The following SEC63 variants were observed in gnomAD, a reference collection of about 807,000 sequenced individuals.
The protein encoded by SEC63 is translocation protein SEC63 homolog.
SEC63 carries 56 observed loss-of-function variants against 116.2 expected under a neutral mutation model. The observed-to-expected ratio is 0.48, with a 90% CI of 0.39 to 0.60. The LOEUF (loss-of-function observed/expected upper bound fraction) is 0.60. SEC63 is among the 20% of genes least tolerant of loss of function. The probability of loss-of-function intolerance (pLI) is 0.00; values close to 1 mark genes in which losing one functional copy is unlikely to be tolerated. For missense variants in SEC63, 668 were observed against 900.0 expected (o/e 0.74, Z 3.30); for synonymous variants, 273 against 294.6 (o/e 0.93, Z 0.75).
chr6:107,880,241 A>T (rs1344801374), intron 18 of SEC63, among the ~76,000 whole-genome samples: 1 of 152,220 alleles, frequency 6.6e-6, no homozygotes, highest in African/African-American at 2.4e-5. Context: ...ATTATTTACG[A>T]ATTTGCCTTA....
intron 17 of SEC63, 138 bp from the exon 18 acceptor site, chr6:107,881,388 C>A (rs1786411976): frequency 3.1e-6 from 2 of 650,798 alleles, no homozygotes; most frequent in Admixed American, 2.4e-5. Context: ...CTGATCATCT[C>A]CCTGCTCATC....
At position 107,869,550 on chromosome 6, in the gene SEC63, T is replaced by C. The variant is rs1225009069; in HGVS notation, c.*2154A>G. On this transcript the variant is annotated 3_prime_UTR_variant, in exon 21 of 21. Transcript: ENST00000369002. ...TTAAATGCAAACTAGGATAGTTTGT[T>C]ATTCTCATTCCAGAGGAAAAACGAA... 1 of 152,188 alleles carries C rather than the reference T, an allele frequency of 6.6e-6. No homozygotes were observed. Among genetic ancestry groups the C allele is most frequent in the Non-Finnish European group, 1.5e-5 (1 of 68,026 alleles). 9.4% of individuals were successfully genotyped at this position (152,188 alleles called of 1,614,324 possible). A position where few individuals can be genotyped will look rare whatever the true frequency, so the allele number is the denominator to read the frequency against.
Position 107,929,501 on chromosome 6 carries a change from T to G in SEC63, c.138A>C (p.Leu46Phe). ...TTCCATATACTTTTCTGATATTCTT[T>G]AATCGAATTTGCTCTGTCAAGAAAG... The part of the protein sequence containing the change: ...PRDQNAEQIR[L>F]KNIRKVYGRC... The change falls in exon 2 of 21, where the codon TTA becomes TTC. Residue 46 changes from leucine to phenylalanine, a missense_variant. Around this residue, in one of 5 missense-constraint regions of SEC63, gnomAD observed 142 missense variants for 169.5 expected, o/e 0.84. Coordinates refer to ENST00000369002, the MANE Select transcript of SEC63 (RefSeq NM_007214.5). 1 of 1,591,350 alleles carries G rather than the reference T, an allele frequency of 6.3e-7. No homozygotes were observed.
chr6:107,927,987 G>C (rs746295938), intron 2 of SEC63, among the ~76,000 whole-genome samples: 1 of 152,124 alleles, frequency 6.6e-6, no homozygotes, highest in Non-Finnish European at 1.5e-5. Flanking sequence ...CTTCCCACTT[G>C]GAACCCGCAG....
intron 1 of SEC63, 126 bp downstream of exon 1, chr6:107,957,760 G>T (rs1263978830): frequency 9.4e-7 from 1 of 1,066,164 alleles, no homozygotes; most frequent in Non-Finnish European, 1.2e-6. Context: ...GCTGGACACA[G>T]GCCGGGCCGC....
chr6:107,933,733 C>G (rs1787862900), intron 1 of SEC63, among the ~76,000 whole-genome samples: 1 of 151,794 alleles, frequency 6.6e-6, no homozygotes, highest in South Asian at 2.1e-4. Flanking sequence ...CCACGGTCTC[C>G]CTCTCCCTCT....
At chr6:107,936,159 G>A (rs925035066) in intron 1 of SEC63, among the ~76,000 whole-genome samples, 13 of 152,332 alleles carry the variant, frequency 8.5e-5, no homozygotes, top group Middle Eastern at 3.4e-3. Flanking sequence ...CCAAGAGAAA[G>A]TACATATGGT....
At position 107,890,212 on chromosome 6, in the gene SEC63, T is replaced by G. The variant is rs567116376; in HGVS notation, c.1674+3270A>C. Among the ~76,000 whole-genome samples the G allele has an allele frequency of 9.2e-5, 14 of 152,334 alleles. 1 individual carries two copies. In the East Asian group the frequency reaches 2.5e-3, roughly 27 times the overall value. ...TATTGTGTGGGAGTCTAAGCCTCTT[T>G]GTAGATCTCTAAGAACTTGCTTTAT... On this transcript the variant is annotated intron_variant, in intron 16 of 20. Transcript: ENST00000369002.
chr6:107,946,842 A>G (rs1448832925), intron 1 of SEC63, among the ~76,000 whole-genome samples: 1 of 152,084 alleles, frequency 6.6e-6, no homozygotes, highest in Non-Finnish European at 1.5e-5. Context: ...CGTCTCTACT[A>G]AAAATACAAA....
chr6:107,911,573 T>C (rs1039154338), intron 6 of SEC63, among the ~76,000 whole-genome samples, 177 bp from the exon 7 acceptor site: 2 of 152,222 alleles, frequency 1.3e-5, no homozygotes, highest in African/African-American at 4.8e-5. Flanking sequence ...ACCCTCCTTT[T>C]GTAGGTAGAA....
Position 107,883,017 on chromosome 6 carries a change from C to G in SEC63, c.1804G>C (p.Asp602His). The G allele has an allele frequency of 6.2e-7, 1 of 1,611,168 alleles. No homozygotes were observed. The highest frequency in any genetic ancestry group is 1.3e-5 in the African/African-American group (1 of 74,992). The change falls in exon 17 of 21, where the codon GAT becomes CAT. Residue 602 changes from aspartate (D) to histidine (H), a missense_variant. Physicochemically the swap from Asp to His is moderately conservative, Grantham distance 81. Around this residue, in one of 5 missense-constraint regions of SEC63, gnomAD observed 430 missense variants for 557.5 expected, o/e 0.77. Transcript: ENST00000369002. ...TCATCATCTTTGTTTTGTTTTTCAT[C>G]TTGCTCTCTATCAGAGTCTCTGTCA... ...GSDRDSDREQ[D>H]EKQNKDDEAE...
At chr6:107,895,413 A>G (rs1786791547) in intron 14 of SEC63, among the ~76,000 whole-genome samples, 1 of 152,104 alleles carries the variant, frequency 6.6e-6, no homozygotes, top group Admixed American at 6.5e-5. Context: ...TCCTACTACA[A>G]AACATGATTT....
At chr6:107,940,290 A>C (rs901354207) in intron 1 of SEC63, among the ~76,000 whole-genome samples, 4 of 152,226 alleles carry the variant, frequency 2.6e-5, no homozygotes, top group African/African-American at 9.6e-5. Context: ...CAAACCAAGT[A>C]GTTCAAATAA....
At chr6:107,918,176 A>G (rs1787458256) in intron 4 of SEC63, among the ~76,000 whole-genome samples, 1 of 151,916 alleles carries the variant, frequency 6.6e-6, no homozygotes, top group Admixed American at 6.6e-5. Flanking sequence ...AGAACAACAA[A>G]TCCTTGATGA....
chr6:107,935,227 CCGG>C (rs1770196884), intron 1 of SEC63, among the ~76,000 whole-genome samples: 1 of 151,706 alleles, frequency 6.6e-6, no homozygotes, highest in South Asian at 2.1e-4. Flanking sequence ...GCGCCTCTGC[CCGG>C]CCGCCCCTAC....
intron 14 of SEC63, among the ~76,000 whole-genome samples, chr6:107,896,415 A>G (rs1033840615): frequency 3.9e-5 from 6 of 152,230 alleles, no homozygotes; most frequent in Middle Eastern, 3.4e-3. Context: ...GCAGTGAGCC[A>G]AGATTGCACC....
intron 1 of SEC63, among the ~76,000 whole-genome samples, chr6:107,933,245 G>C (rs990736709): frequency 1.3e-5 from 2 of 152,136 alleles, no homozygotes; most frequent in African/African-American, 4.8e-5. Flanking sequence ...GAAGGAAGTA[G>C]CCCTGCCAAC....
chr6:107,920,171 C>G (rs1489877440), intron 4 of SEC63, among the ~76,000 whole-genome samples: 2 of 152,030 alleles, frequency 1.3e-5, no homozygotes, highest in African/African-American at 4.8e-5. Flanking sequence ...CTCCTGTAAT[C>G]CCAGCACTTT....
At chr6:107,912,646 C>T in intron 6 of SEC63, 70 bp downstream of exon 6, 1 of 879,550 alleles carries the variant, frequency 1.1e-6, no homozygotes. Flanking sequence ...TCTTGTATTA[C>T]CAAGACAGAT....
Sources: allele counts gnomAD v4.1 joint callset (sites outside exome capture counted in the v4.1 genomes callset), GRCh38; gene constraint gnomAD v4.1.1; regional missense constraint gnomAD v4.1.1; transcripts MANE v1.5; gene names NCBI Gene and HGNC (gene_info 2026-07-23, HGNC 2026-07-21).